The following PRR5L variants were observed in gnomAD, a reference collection of about 807,000 sequenced individuals.
PRR5L encodes the protein proline-rich protein 5-like.
In PRR5L, 21 loss-of-function variants were observed where a neutral mutation model predicts 36.4. The observed-to-expected ratio is 0.58, with a 90% confidence interval of 0.41 to 0.83. The LOEUF is 0.83. Ranked by LOEUF, PRR5L falls within the 40% of genes least tolerant of loss-of-function variation. The pLI is 0.00. For missense variants in PRR5L, 381 were observed against 473.3 expected (o/e 0.80, Z 1.81); for synonymous variants, 188 against 197.0 (o/e 0.95, Z 0.38).
chr11:36,430,458 A>G (rs538634330), intron 4 of PRR5L, among the ~76,000 whole-genome samples: 143 of 152,316 alleles, frequency 9.4e-4, no homozygotes, highest in African/African-American at 3.4e-3. Flanking sequence ...AAATTAGGTC[A>G]TATTTTGTAA....
chr11:36,381,058 G>C (rs550207404), intron 1 of PRR5L, among the ~76,000 whole-genome samples: 2 of 152,130 alleles, frequency 1.3e-5, no homozygotes, highest in Non-Finnish European at 2.9e-5. Flanking sequence ...GTATTTACTC[G>C]TGTATTAAAC....
intron 1 of PRR5L, among the ~76,000 whole-genome samples, chr11:36,359,188 A>G (rs1239581412): frequency 6.6e-6 from 1 of 152,248 alleles, no homozygotes; most frequent in African/African-American, 2.4e-5. Context: ...GCAGATTTGA[A>G]CTAAAGATCC....
intron 1 of PRR5L, among the ~76,000 whole-genome samples, chr11:36,310,361 T>G (rs907024308): frequency 6.6e-6 from 1 of 152,148 alleles, no homozygotes; most frequent in Non-Finnish European, 1.5e-5. Flanking sequence ...TGTTTACACT[T>G]TAATAAGAAT....
chr11:36,416,154 T>C (rs1858137699), intron 3 of PRR5L, among the ~76,000 whole-genome samples: 1 of 152,012 alleles, frequency 6.6e-6, no homozygotes, highest in South Asian at 2.1e-4. Flanking sequence ...TTTATGTTGA[T>C]TTCTATATTT....
intron 1 of PRR5L, among the ~76,000 whole-genome samples, chr11:36,384,128 A>G (rs915017743): frequency 9.2e-5 from 14 of 152,156 alleles, no homozygotes; most frequent in Non-Finnish European, 2.1e-4. Flanking sequence ...CCTTGGATAC[A>G]CCTTGAACTT....
chr11:36,297,690 C>T (rs1168882612), intron 1 of PRR5L, among the ~76,000 whole-genome samples: 1 of 152,174 alleles, frequency 6.6e-6, no homozygotes, highest in Non-Finnish European at 1.5e-5. Context: ...CTTTTAGTTC[C>T]AGCACAGCCT....
chr11:36,334,584 C>T (rs777866622), intron 1 of PRR5L, among the ~76,000 whole-genome samples: 1 of 152,324 alleles, frequency 6.6e-6, no homozygotes, highest in South Asian at 2.1e-4. Context: ...GCCTGGTTAA[C>T]CACTCTTTAT....
chr11:36,399,873 C>T (rs945509334), intron 1 of PRR5L, among the ~76,000 whole-genome samples: 1 of 152,250 alleles, frequency 6.6e-6, no homozygotes, highest in Non-Finnish European at 1.5e-5. Flanking sequence ...GTCCTTGAGG[C>T]CCATGGCTCC....
At chr11:36,400,276 A>G (rs963307381) in intron 1 of PRR5L, among the ~76,000 whole-genome samples, 3 of 152,200 alleles carry the variant, frequency 2.0e-5, no homozygotes, top group African/African-American at 7.2e-5. Context: ...GCCATCTTAT[A>G]TCTCCCAGTG....
chr11:36,415,734 ACT>A (rs1439626290), intron 3 of PRR5L, among the ~76,000 whole-genome samples: 2 of 152,104 alleles, frequency 1.3e-5, no homozygotes, highest in Non-Finnish European at 2.9e-5. Flanking sequence ...ACAGAGTGCA[ACT>A]CTGTCTCAAT....
At chr11:36,433,856 T>A (rs1399237277) in intron 5 of PRR5L, among the ~76,000 whole-genome samples, 1 of 152,226 alleles carries the variant, frequency 6.6e-6, no homozygotes, top group Non-Finnish European at 1.5e-5. Context: ...TTTTGCATTT[T>A]GGAGTCAGGC....
At position 36,306,349 on chromosome 11, in the gene PRR5L, C is replaced by G. The variant is rs1170629639; in HGVS notation, c.-126+9911C>G. On this transcript the variant is annotated intron_variant, in intron 1 of 8. Transcript: ENST00000530639. Reference sequence around the variant, plus strand: ...CACATGTGGTGTTTGGTTTTCTGTCCTTGTGATAGTTTGCTGAGCATGATG... The same window carrying G: ...CACATGTGGTGTTTGGTTTTCTGTCGTTGTGATAGTTTGCTGAGCATGATG... 3.3e-5 allele frequency among the ~76,000 whole-genome samples: 5 copies of G among 152,090 alleles called. No individual in the cohort carries two copies. In the East Asian group the frequency reaches 7.7e-4, roughly 23 times the overall value.
At position 36,403,869 on chromosome 11, in the gene PRR5L, T is replaced by A. The variant is rs138968367; in HGVS notation, c.245+491T>A. On this transcript the variant is annotated intron_variant, in intron 3 of 8. Coordinates refer to ENST00000530639, the MANE Select transcript of PRR5L (RefSeq NM_001160167.2). ...TTGCCCTCCTGGAATTTATATTCAT[T>A]GGGAAGAGAATCATTAGTCAACTAG... is the stretch of plus-strand genomic sequence containing the variant. Among the ~76,000 whole-genome samples, 734 of 152,292 alleles carry A rather than the reference T, an allele frequency of 4.8e-3. 8 individuals carry two copies. Among genetic ancestry groups the A allele is most frequent in the African/African-American group, 0.017 (690 of 41,564 alleles).
chr11:36,332,607 G>C (rs1206905719), intron 1 of PRR5L, among the ~76,000 whole-genome samples: 1 of 152,188 alleles, frequency 6.6e-6, no homozygotes, highest in African/African-American at 2.4e-5. Flanking sequence ...GTGATCCCCA[G>C]TGGTGGAGGT....
intron 6 of PRR5L, among the ~76,000 whole-genome samples, chr11:36,438,063 G>T (rs1450560931): frequency 6.6e-6 from 1 of 152,120 alleles, no homozygotes; most frequent in Non-Finnish European, 1.5e-5. Flanking sequence ...ACAAAATAAG[G>T]AATTTAGAAT....
intron 1 of PRR5L, among the ~76,000 whole-genome samples, chr11:36,351,047 T>TTTATATATAAA (rs1554987005): frequency 1.4e-4 from 5 of 36,000 alleles, no homozygotes; most frequent in South Asian, 5.5e-4. Context: ...TTAATATATT[T>TTTATATATAAA]TATATGTATT....
intron 1 of PRR5L, among the ~76,000 whole-genome samples, chr11:36,385,620 G>A (rs573913523): frequency 3.3e-5 from 5 of 152,180 alleles, no homozygotes; most frequent in East Asian, 3.8e-4. Context: ...TTCCAGTAGC[G>A]CCTGAGAAAG....
In PRR5L at chr11:36,310,737, G is replaced by A. The variant is rs572055170; in HGVS notation, c.-126+14299G>A. Among the ~76,000 whole-genome samples the A allele has an allele frequency of 1.6e-4, 24 of 152,200 alleles. No individual in the cohort carries two copies. In the South Asian group the frequency reaches 1.9e-3, roughly 12 times the overall value. ...TCAGGGGCTGGGTGTGGTGGCTCACGCCTGTAATCGCAGCACTTTGGGGGG... is the reference window on the plus strand; with the variant it reads ...TCAGGGGCTGGGTGTGGTGGCTCACACCTGTAATCGCAGCACTTTGGGGGG... On this transcript the variant is annotated intron_variant, in intron 1 of 8. Transcript: ENST00000530639.
chr11:36,341,536 C>A (rs1410155201), intron 1 of PRR5L, among the ~76,000 whole-genome samples: 1 of 152,132 alleles, frequency 6.6e-6, no homozygotes, highest in African/African-American at 2.4e-5. Flanking sequence ...CTATCTGGAG[C>A]TCAATGGGAC....
Sources: gnomAD v4.1 joint callset for allele counts (sites outside exome capture counted in the v4.1 genomes callset) on GRCh38, gnomAD v4.1.1 for gene constraint, MANE v1.5 for transcripts, NCBI Gene and HGNC (gene_info 2026-07-23, HGNC 2026-07-21) for gene names.